Variants in CHCHD6 observed in about 807,000 individuals in gnomAD.
CHCHD6 encodes coiled-coil-helix-coiled-coil-helix domain containing 6.
In CHCHD6, 28 loss-of-function variants were observed where a neutral mutation model predicts 32.3. That is an observed-to-expected ratio of 0.87 (90% CI 0.64 to 1.19). The LOEUF is 1.19. Among genes scored for constraint, CHCHD6 ranks in the 50% most tolerant of loss-of-function variants. The pLI is 0.00. For missense variants in CHCHD6, 333 were observed against 307.0 expected (o/e 1.08, Z -0.63); for synonymous variants, 122 against 117.5 (o/e 1.04, Z -0.25).
At chr3:126,765,733 G>T (rs1937342951) in intron 4 of CHCHD6, among the ~76,000 whole-genome samples, 1 of 152,182 alleles carries the variant, frequency 6.6e-6, no homozygotes, top group Non-Finnish European at 1.5e-5. Flanking sequence ...AACCACCTCT[G>T]CCCCACCCCC....
chr3:126,891,798 C>T (rs1309533805), intron 5 of CHCHD6, among the ~76,000 whole-genome samples: 1 of 152,092 alleles, frequency 6.6e-6, no homozygotes, highest in Non-Finnish European at 1.5e-5. Context: ...CAAGGGCAGC[C>T]TTAGGCTTCT....
intron 4 of CHCHD6, among the ~76,000 whole-genome samples, chr3:126,793,139 T>C (rs1330872365): frequency 6.6e-6 from 1 of 152,196 alleles, no homozygotes; most frequent in Non-Finnish European, 1.5e-5. Context: ...TGCTAGCATA[T>C]AATAGGGTCT....
intron 4 of CHCHD6, chr3:126,766,754 G>C: frequency 8.8e-7 from 1 of 1,140,272 alleles, no homozygotes; most frequent in Non-Finnish European, 1.3e-6. Context: ...GTAGATTCAC[G>C]GGAGGTGTTG....
intron 4 of CHCHD6, among the ~76,000 whole-genome samples, chr3:126,765,525 C>T (rs1003925994): frequency 7.2e-5 from 11 of 152,188 alleles, no homozygotes; most frequent in Admixed American, 4.6e-4. Flanking sequence ...AACGGTACCC[C>T]GAGTCTCAGT....
At position 126,939,437 on chromosome 3, in the gene CHCHD6, A is replaced by G. The variant is rs557857208; in HGVS notation, c.567-17979A>G. 4.6e-5 allele frequency among the ~76,000 whole-genome samples: 7 copies of G among 152,342 alleles called. No homozygotes were observed. In the South Asian group the frequency reaches 1.4e-3, roughly 32 times the overall value. On this transcript the variant is annotated intron_variant, in intron 6 of 7. Coordinates refer to ENST00000290913, the MANE Select transcript of CHCHD6 (RefSeq NM_032343.3). ...GCAGGAAATGTTTCTCTCTGATTTC[A>G]TGCGCATTTCAGCCTATTGTTTCAG...
intron 5 of CHCHD6, among the ~76,000 whole-genome samples, chr3:126,862,615 C>T (rs370639912): frequency 8.4e-5 from 8 of 95,232 alleles, no homozygotes; most frequent in East Asian, 4.0e-4. Context: ...CACCACCTCC[C>T]CCTCCTCCAC....
chr3:126,783,734 T>C (rs1938060448), intron 4 of CHCHD6, among the ~76,000 whole-genome samples: 1 of 149,732 alleles, frequency 6.7e-6, no homozygotes, highest in East Asian at 1.9e-4. Context: ...GGCTACTTGG[T>C]TTGGAGCCTC....
At chr3:126,920,757 C>T (rs1369816915) in intron 6 of CHCHD6, among the ~76,000 whole-genome samples, 1 of 152,192 alleles carries the variant, frequency 6.6e-6, no homozygotes, top group Non-Finnish European at 1.5e-5. Context: ...ATCTCCACAG[C>T]TTTTCTTGCC....
At chr3:126,945,804 C>T (rs1367808567) in intron 6 of CHCHD6, among the ~76,000 whole-genome samples, 1 of 144,770 alleles carries the variant, frequency 6.9e-6, no homozygotes, top group South Asian at 2.2e-4. Flanking sequence ...AGGCAGGAGA[C>T]ATGGGGAGAC....
intron 4 of CHCHD6, among the ~76,000 whole-genome samples, chr3:126,764,534 C>G (rs758079796): frequency 3.3e-5 from 5 of 152,202 alleles, no homozygotes; most frequent in African/African-American, 1.2e-4. Context: ...TCGAAGGTCC[C>G]TTTCCTGCTC....
intron 6 of CHCHD6, among the ~76,000 whole-genome samples, chr3:126,936,320 G>A (rs2078479954): frequency 1.3e-5 from 2 of 152,148 alleles, no homozygotes; most frequent in African/African-American, 2.4e-5. Flanking sequence ...CATAGAATAC[G>A]AGGCCAGAGC....
chr3:126,799,136 A>C (rs1247656677), intron 4 of CHCHD6, among the ~76,000 whole-genome samples: 2 of 152,126 alleles, frequency 1.3e-5, no homozygotes, highest in Non-Finnish European at 2.9e-5. Context: ...TTAAAGGCAG[A>C]GTCTGTGTTT....
At chr3:126,923,804 A>G (rs1463727847) in intron 6 of CHCHD6, among the ~76,000 whole-genome samples, 1 of 152,242 alleles carries the variant, frequency 6.6e-6, no homozygotes. Context: ...CACTCGATGC[A>G]TGGTAGGTGT....
At chr3:126,804,945 A>G (rs1939289507) in intron 4 of CHCHD6, among the ~76,000 whole-genome samples, 1 of 152,164 alleles carries the variant, frequency 6.6e-6, no homozygotes, top group Non-Finnish European at 1.5e-5. Context: ...ACCAAAGACA[A>G]AAACCACATG....
intron 6 of CHCHD6, among the ~76,000 whole-genome samples, chr3:126,923,236 C>T (rs1007094492): frequency 6.6e-6 from 1 of 152,230 alleles, no homozygotes; most frequent in Non-Finnish European, 1.5e-5. Context: ...TTTCAGAACA[C>T]AGAATCTGTT....
At chr3:126,822,946 C>A (rs1576458868) in intron 4 of CHCHD6, among the ~76,000 whole-genome samples, 2 of 151,984 alleles carry the variant, frequency 1.3e-5, no homozygotes, top group African/African-American at 2.4e-5. Flanking sequence ...CACTCTGTCA[C>A]CCAGGCTGGA....
At chr3:126,759,705 G>A (rs145109303) in intron 4 of CHCHD6, among the ~76,000 whole-genome samples, 1 of 152,290 alleles carries the variant, frequency 6.6e-6, no homozygotes, top group East Asian at 1.9e-4. Context: ...GGAGATACAT[G>A]ATGGCAGCTC....
intron 4 of CHCHD6, among the ~76,000 whole-genome samples, chr3:126,812,083 C>CTAGTCTTG (rs1381770475): frequency 6.6e-6 from 1 of 150,756 alleles, no homozygotes; most frequent in Non-Finnish European, 1.5e-5. Context: ...CTGTAGTTTT[C>CTAGTCTTG]TAGTCTTGTA....
intron 5 of CHCHD6, 30 bp downstream of exon 5, chr3:126,852,760 G>T: frequency 6.7e-7 from 1 of 1,502,620 alleles, no homozygotes; most frequent in South Asian, 1.1e-5. Context: ...GCATTCCTCG[G>T]GGCCAGGTCC....
Sources: gnomAD v4.1 joint callset for allele counts (sites outside exome capture counted in the v4.1 genomes callset) on GRCh38, gnomAD v4.1.1 for gene constraint, MANE v1.5 for transcripts, NCBI Gene and HGNC (gene_info 2026-07-23, HGNC 2026-07-21) for gene names.